The following EXOC3 variants were observed in gnomAD, a reference collection of about 807,000 sequenced individuals.
EXOC3 encodes the protein exocyst complex component 3, also known as SEC6-like 1.
A neutral mutation model predicts 73.7 loss-of-function variants in EXOC3; 21 were observed. The ratio of observed to expected loss-of-function variants is 0.29; its 90% CI spans 0.20 to 0.41. EXOC3 has a LOEUF of 0.41. EXOC3 is among the 10% of genes least tolerant of loss of function. The pLI, the probability that EXOC3 is intolerant of heterozygous loss-of-function variation, is 1.00. For missense variants in EXOC3, 842 were observed against 985.1 expected, an observed-to-expected ratio of 0.85 and a Z score of 1.95; for synonymous variants, 410 against 389.1, an observed-to-expected ratio of 1.05 and a Z score of -0.63.
chr5:464,034 G>C (rs1221402652), intron 9 of EXOC3, among the ~76,000 whole-genome samples: 2 of 152,274 alleles, frequency 1.3e-5, no homozygotes, highest in Non-Finnish European at 2.9e-5. Flanking sequence ...GAAAAGCAGT[G>C]TGACGTAGCA....
chr5:466,710 C>G lies in EXOC3; in HGVS notation c.2067-17C>G, dbSNP rs1266449899. Reference sequence around the variant, plus strand: ...GGGCTGCTAAGTGGGCATGGGCTGACATCTCCCCATCCCCAGGGATGACCA... The same window carrying G: ...GGGCTGCTAAGTGGGCATGGGCTGAGATCTCCCCATCCCCAGGGATGACCA... On this transcript the variant is annotated splice_polypyrimidine_tract_variant and intron_variant, in intron 12 of 12. Coordinates refer to ENST00000512944, the MANE Select transcript of EXOC3 (RefSeq NM_007277.5). The G allele has an allele frequency of 6.2e-7, 1 of 1,605,360 alleles. No homozygotes were observed. The highest frequency in any genetic ancestry group is 1.1e-5 in the South Asian group (1 of 90,332).
chr5:456,339 C>T (rs954876231), intron 4 of EXOC3, among the ~76,000 whole-genome samples: 4 of 152,076 alleles, frequency 2.6e-5, no homozygotes, highest in African/African-American at 9.7e-5. Context: ...TGTTGTTTTT[C>T]CCAAATACTT....
intron 7 of EXOC3, among the ~76,000 whole-genome samples, chr5:461,450 T>C (rs1038519149): frequency 6.6e-6 from 1 of 152,168 alleles, no homozygotes; most frequent in Non-Finnish European, 1.5e-5. Flanking sequence ...CTGTCTCTAC[T>C]AAAAATACAA....
intron 5 of EXOC3, 99 bp downstream of exon 5, chr5:457,105 G>A (rs117385164): frequency 0.016 from 12,740 of 804,612 alleles, 282 homozygotes; most frequent in Admixed American, 0.058. Context: ...ATGCCTTAGC[G>A]TTGACTTCCT....
At chr5:457,180 G>A (rs1737844004) in intron 5 of EXOC3, 174 bp downstream of exon 5, 1 of 605,654 alleles carries the variant, frequency 1.7e-6, no homozygotes, top group South Asian at 1.9e-5. Context: ...TGCTAGAAGA[G>A]GAGAATGGCC....
intron 3 of EXOC3, among the ~76,000 whole-genome samples, chr5:451,195 C>T (rs752268335): frequency 2.3e-4 from 35 of 152,014 alleles, no homozygotes; most frequent in Non-Finnish European, 4.1e-4. Context: ...GTTTCTTTTG[C>T]GTATATTCTA....
rs576327039 is a variant in EXOC3, at chr5:453,395, G to A, written c.390G>A (p.Gln130=). The A allele has an allele frequency of 5.0e-6, 8 of 1,590,684 alleles. No individual in the cohort carries two copies. The highest frequency in any genetic ancestry group is 6.0e-6 in the Non-Finnish European group (7 of 1,168,516). ...TGCCTGAGATTGTGAGGGAGACCCA[G>A]GACCTAATTGAACAAGGGGCACTCC... ...FSVPEIVRET[Q]DLIEQGALLQ... Residue 130 remains glutamine, a synonymous_variant, in exon 4 of 13, where the codon CAG becomes CAA. Transcript: ENST00000512944.
intron 3 of EXOC3, among the ~76,000 whole-genome samples, chr5:450,812 G>A (rs1258092652): frequency 1.4e-5 from 2 of 146,820 alleles, no homozygotes; most frequent in Non-Finnish European, 3.0e-5. Context: ...TTAATTTAAA[G>A]TATATTTCAT....
intron 3 of EXOC3, among the ~76,000 whole-genome samples, chr5:448,031 TC>T (rs1289740873): frequency 6.6e-6 from 1 of 152,094 alleles, no homozygotes; most frequent in Admixed American, 6.5e-5. Flanking sequence ...TGAGTGTCGT[TC>T]CCTTGCTTGC....
chr5:465,617 G>A, intron 11 of EXOC3, 101 bp from the exon 12 acceptor site: 1 of 1,446,346 alleles, frequency 6.9e-7, no homozygotes, highest in South Asian at 1.3e-5. Context: ...GTCAGGTGAA[G>A]AGGGAGGTTC....
intron 3 of EXOC3, among the ~76,000 whole-genome samples, chr5:449,254 C>G (rs1737588722): frequency 1.3e-5 from 2 of 152,358 alleles, no homozygotes; most frequent in South Asian, 4.1e-4. Flanking sequence ...CTCAGCAATG[C>G]TGTGTACACA....
chr5:455,963 G>A (rs1188559471), intron 4 of EXOC3, among the ~76,000 whole-genome samples: 1 of 152,236 alleles, frequency 6.6e-6, no homozygotes, highest in Non-Finnish European at 1.5e-5. Context: ...CTGTCTTCTG[G>A]ACAGTAGACC....
chr5:462,430 C>T (rs1046694819), intron 9 of EXOC3, 123 bp downstream of exon 9: 3 of 1,117,454 alleles, frequency 2.7e-6, no homozygotes, highest in East Asian at 2.4e-5. Context: ...GGGCTGTGCA[C>T]TTGCATTCCG....
chr5:447,682 C>T lies in EXOC3; in HGVS notation c.294C>T (p.Asp98=), dbSNP rs944083904. The T allele has an allele frequency of 7.5e-6, 12 of 1,590,536 alleles. No individual in the cohort carries two copies. Among genetic ancestry groups the T allele is most frequent in the Middle Eastern group, 1.7e-4 (1 of 6,054 alleles). ...TCAACACCATTGAGAGCCTCAAGGA[C>T]GTCAAAGACGCCGTGGTGCAGCACA... is the stretch of plus-strand genomic sequence containing the variant. ...QSINTIESLK[D]VKDAVVQHSQ... is the part of the protein sequence containing the mutation. The change falls in exon 3 of 13, where the codon GAC becomes GAT. Residue 98 remains aspartate, a synonymous_variant. Transcript: ENST00000512944.
chr5:453,432 C>A lies in EXOC3; in HGVS notation c.427C>A (p.Arg143=), dbSNP rs373506147. 1 of 1,607,850 alleles carries A rather than the reference C, an allele frequency of 6.2e-7. No homozygotes were observed. The highest frequency in any genetic ancestry group is 1.1e-5 in the South Asian group (1 of 90,010). ...IEQGALLQAH[R]KLMDLECSRD... is the part of the protein sequence containing the mutation. ...ACAAGGGGCACTCCTGCAAGCCCAC[C>A]GGAAGCTGATGGACCTGGAGTGCTC... The change falls in exon 4 of 13, where the codon CGG becomes AGG. Residue 143 remains arginine, a synonymous_variant. Coordinates refer to ENST00000512944, the MANE Select transcript of EXOC3 (RefSeq NM_007277.5).
intron 10 of EXOC3, 50 bp downstream of exon 10, chr5:464,462 C>T (rs772636598): frequency 6.3e-7 from 1 of 1,593,674 alleles, no homozygotes; most frequent in Non-Finnish European, 8.6e-7. Flanking sequence ...TAGGGCTCAC[C>T]TCTCACCCTG....
intron 3 of EXOC3, among the ~76,000 whole-genome samples, chr5:448,952 C>T (rs955893979): frequency 3.9e-5 from 6 of 152,240 alleles, no homozygotes; most frequent in Non-Finnish European, 5.9e-5. Context: ...CCGCCTGGAA[C>T]AGGAATAAAG....
At chr5:454,712 A>G (rs1314882902) in intron 4 of EXOC3, among the ~76,000 whole-genome samples, 1 of 152,200 alleles carries the variant, frequency 6.6e-6, no homozygotes, top group Admixed American at 6.5e-5. Flanking sequence ...GTATTCTGAA[A>G]TTCTTTAAGA....
rs1198225511 is a variant in EXOC3 at position 465,270 on chromosome 5, T to A, written c.1936T>A (p.Ser646Thr). ...GCGCTTCCTGTTCCGGAAGCTGGCG[T>A]CCGTGAGTGTCGCGCAGGTCCGGGC... ...QLRFLFRKLASGFGEDVDGYC... is the reference protein window; with the variant it reads ...QLRFLFRKLATGFGEDVDGYC... The change falls in exon 11 of 13, where the codon TCC becomes ACC. Residue 646 changes from serine to threonine, a missense_variant and splice_region_variant. Coordinates refer to ENST00000512944, the MANE Select transcript of EXOC3 (RefSeq NM_007277.5). 1 of 1,578,542 alleles carries A rather than the reference T, an allele frequency of 6.3e-7. No individual in the cohort carries two copies. Among genetic ancestry groups the A allele is most frequent in the Admixed American group, 1.8e-5 (1 of 54,548 alleles).
Sources: allele counts gnomAD v4.1 joint callset (sites outside exome capture counted in the v4.1 genomes callset), GRCh38; gene constraint gnomAD v4.1.1; transcripts MANE v1.5; gene names NCBI Gene and HGNC (gene_info 2026-07-23, HGNC 2026-07-21).